Variants in FBXO15 observed in about 807,000 individuals in gnomAD.
FBXO15 encodes F-box only protein 15.
FBXO15 carries 30 observed loss-of-function variants against 49.5 expected under a neutral mutation model. The observed-to-expected ratio is 0.61, with a 90% CI of 0.45 to 0.82. The LOEUF is 0.82. FBXO15 is among the 40% of genes least tolerant of loss of function. The pLI, the probability that FBXO15 is intolerant of heterozygous loss-of-function variation, is 0.00. For synonymous variants in FBXO15, 250 were observed against 232.7 expected, an observed-to-expected ratio of 1.07 and a Z score of -0.68; for missense variants, 591 against 631.5, an observed-to-expected ratio of 0.94 and a Z score of 0.69.
intron 5 of FBXO15, among the ~76,000 whole-genome samples, chr18:74,128,165 A>T (rs1035392619): frequency 6.6e-6 from 1 of 152,178 alleles, no homozygotes; most frequent in African/African-American, 2.4e-5. Context: ...TCATCATAAC[A>T]TTAAGAATAT....
At chr18:74,101,064 G>A (rs1382870919) in intron 8 of FBXO15, among the ~76,000 whole-genome samples, 3 of 152,086 alleles carry the variant, frequency 2.0e-5, no homozygotes, top group Non-Finnish European at 4.4e-5. Context: ...TATGAAGCCA[G>A]TATCACCCTC....
At chr18:74,077,750 G>A (rs142290484) in intron 9 of FBXO15, among the ~76,000 whole-genome samples, 16 of 152,292 alleles carry the variant, frequency 1.1e-4, no homozygotes, top group African/African-American at 3.6e-4. Flanking sequence ...GCAGGCAGCC[G>A]GAGCCCTCCT....
At chr18:74,125,060 C>T (rs147140970) in intron 6 of FBXO15, among the ~76,000 whole-genome samples, 8 of 152,200 alleles carry the variant, frequency 5.3e-5, no homozygotes, top group African/African-American at 1.4e-4. Flanking sequence ...GCAGAAAATG[C>T]GACTATTTGG....
intron 8 of FBXO15, among the ~76,000 whole-genome samples, chr18:74,101,049 C>G (rs1216640017): frequency 6.6e-6 from 1 of 152,134 alleles, no homozygotes; most frequent in African/African-American, 2.4e-5. Context: ...CTCCCCAGAT[C>G]ATTCTATGAA....
chr18:74,142,148 T>C (rs1979117404), intron 1 of FBXO15, among the ~76,000 whole-genome samples: 1 of 152,300 alleles, frequency 6.6e-6, no homozygotes, highest in Non-Finnish European at 1.5e-5. Context: ...TGGTCTTATA[T>C]GACTTTCTAG....
At chr18:74,105,663 G>C (rs1913723651) in intron 8 of FBXO15, among the ~76,000 whole-genome samples, 1 of 151,902 alleles carries the variant, frequency 6.6e-6, no homozygotes, top group Non-Finnish European at 1.5e-5. Flanking sequence ...GGTCAGGCTG[G>C]TCTCAAACTC....
At chr18:74,146,814 G>C (rs1979449128) in intron 1 of FBXO15, among the ~76,000 whole-genome samples, 1 of 152,130 alleles carries the variant, frequency 6.6e-6, no homozygotes, top group East Asian at 1.9e-4. Flanking sequence ...GTATGTAATA[G>C]ACTCCCTTTG....
chr18:74,108,830 T>C (rs1913886223), intron 8 of FBXO15, among the ~76,000 whole-genome samples: 1 of 152,124 alleles, frequency 6.6e-6, no homozygotes, highest in Non-Finnish European at 1.5e-5. Flanking sequence ...ACATTACCTA[T>C]ACAGGACCAA....
intron 8 of FBXO15, among the ~76,000 whole-genome samples, chr18:74,107,528 G>C (rs1435184984): frequency 6.6e-6 from 1 of 152,116 alleles, no homozygotes; most frequent in Non-Finnish European, 1.5e-5. Context: ...AAATTGGAGA[G>C]ACAGACAGGA....
At chr18:74,076,959 C>T (rs1912280070) in intron 9 of FBXO15, among the ~76,000 whole-genome samples, 1 of 152,196 alleles carries the variant, frequency 6.6e-6, no homozygotes, top group Non-Finnish European at 1.5e-5. Flanking sequence ...GCATTCAGTT[C>T]GAATACCAGT....
At chr18:74,083,832 G>A (rs1466332122) in intron 8 of FBXO15, among the ~76,000 whole-genome samples, 1 of 152,202 alleles carries the variant, frequency 6.6e-6, no homozygotes, top group Non-Finnish European at 1.5e-5. Flanking sequence ...GTGTGAAAGT[G>A]TGTGTATATA....
chr18:74,090,704 T>C (rs1292353651), intron 8 of FBXO15, among the ~76,000 whole-genome samples: 1 of 152,206 alleles, frequency 6.6e-6, no homozygotes. Context: ...TGTAATTGTA[T>C]GGTTTTGAGT....
chr18:74,122,357 T>C (rs1238981998), intron 8 of FBXO15, among the ~76,000 whole-genome samples: 1 of 152,252 alleles, frequency 6.6e-6, no homozygotes, highest in Non-Finnish European at 1.5e-5. Context: ...CTCTGTAACA[T>C]CAATTTCTTC....
intron 8 of FBXO15, among the ~76,000 whole-genome samples, chr18:74,090,080 T>C (rs562950647): frequency 6.6e-6 from 1 of 152,322 alleles, no homozygotes; most frequent in African/African-American, 2.4e-5. Context: ...TTTTTATTAC[T>C]GATTCAATTT....
At chr18:74,082,629 C>T (rs1026740575) in intron 8 of FBXO15, among the ~76,000 whole-genome samples, 26 of 152,168 alleles carry the variant, frequency 1.7e-4, no homozygotes, top group Non-Finnish European at 3.5e-4. Context: ...CCTGGCCACA[C>T]GGAGGAGCCC....
intron 3 of FBXO15, among the ~76,000 whole-genome samples, chr18:74,132,307 T>C (rs1978442215): frequency 6.6e-6 from 1 of 152,230 alleles, no homozygotes; most frequent in African/African-American, 2.4e-5. Flanking sequence ...CATCTCACCC[T>C]ATGTAAGTAT....
intron 9 of FBXO15, among the ~76,000 whole-genome samples, chr18:74,079,462 T>A (rs1172764221): frequency 6.6e-6 from 1 of 152,146 alleles, no homozygotes; most frequent in South Asian, 2.1e-4. Flanking sequence ...TAGTGATGGT[T>A]ATACAACAAT....
chr18:74,095,038 G>C (rs1913216260), intron 8 of FBXO15, among the ~76,000 whole-genome samples: 1 of 152,186 alleles, frequency 6.6e-6, no homozygotes, highest in Non-Finnish European at 1.5e-5. Flanking sequence ...ACCTCTGCTA[G>C]CTTCAAACTT....
At chr18:74,126,843 G>T (rs959456977) in intron 5 of FBXO15, among the ~76,000 whole-genome samples, 1 of 152,230 alleles carries the variant, frequency 6.6e-6, no homozygotes, top group African/African-American at 2.4e-5. Context: ...ATCAAAACCA[G>T]ATCCGCAGCT....
Sources: gnomAD v4.1 joint callset for allele counts (sites outside exome capture counted in the v4.1 genomes callset) on GRCh38, gnomAD v4.1.1 for gene constraint, MANE v1.5 for transcripts, NCBI Gene and HGNC (gene_info 2026-07-23, HGNC 2026-07-21) for gene names.